The following NR3C1 variants were observed in gnomAD, a reference collection of about 807,000 sequenced individuals.
NR3C1 encodes nuclear receptor subfamily 3 group C member 1.
Under a neutral mutation model 74.0 loss-of-function variants are expected in NR3C1, and 14 were observed. The ratio of observed to expected loss-of-function variants is 0.19; its 90% confidence interval spans 0.12 to 0.30. The LOEUF is 0.30. Ranked by LOEUF, NR3C1 falls within the 10% of genes least tolerant of loss-of-function variation. NR3C1 has a pLI of 1.00. For synonymous variants in NR3C1, 308 were observed against 332.5 expected (o/e 0.93, Z 0.80); for missense variants, 695 against 909.8 (o/e 0.76, Z 3.04).
intron 2 of NR3C1, among the ~76,000 whole-genome samples, chr5:143,373,551 TGTATACCTAC>T (rs1834597103): frequency 1.3e-5 from 2 of 152,190 alleles, no homozygotes; most frequent in Admixed American, 1.3e-4. Context: ...ACATGGCGCA[TGTATACCTAC>T]GTAACAAACC....
At chr5:143,338,188 T>C (rs1014178474) in intron 2 of NR3C1, among the ~76,000 whole-genome samples, 1 of 152,204 alleles carries the variant, frequency 6.6e-6, no homozygotes, top group African/African-American at 2.4e-5. Flanking sequence ...GATGCTGGTA[T>C]AAACAAACCT....
At chr5:143,307,516 C>T (rs1345502745) in intron 4 of NR3C1, among the ~76,000 whole-genome samples, 1 of 152,058 alleles carries the variant, frequency 6.6e-6, no homozygotes, top group Admixed American at 6.5e-5. Context: ...CTTAAAACTC[C>T]AAAGATCTTA....
At chr5:143,293,741 T>TA (rs1816475374) in intron 7 of NR3C1, 1 of 398,558 alleles carries the variant, frequency 2.5e-6, no homozygotes, top group East Asian at 1.6e-4. Flanking sequence ...GTCTATATCT[T>TA]AAGGTATATA....
intron 2 of NR3C1, among the ~76,000 whole-genome samples, chr5:143,387,239 CTTA>C (rs942940411): frequency 9.9e-5 from 15 of 152,206 alleles, no homozygotes; most frequent in African/African-American, 3.6e-4. Flanking sequence ...AAGTATGTTT[CTTA>C]TTATCTGCTT....
At chr5:143,407,371 C>G (rs1159716078), upstream of NR3C1, 1 of 152,210 alleles carries the variant, frequency 6.6e-6, no homozygotes, top group Admixed American at 6.5e-5. Context: ...GTTTAAACAT[C>G]TGAGTGCTCC....
intron 2 of NR3C1, among the ~76,000 whole-genome samples, chr5:143,361,034 GA>G (rs1832137549): frequency 6.6e-6 from 1 of 152,164 alleles, no homozygotes; most frequent in Non-Finnish European, 1.5e-5. Context: ...TCTACTGCAG[GA>G]CAATTCTGAA....
At chr5:143,374,057 C>A (rs1443075870) in intron 2 of NR3C1, among the ~76,000 whole-genome samples, 1 of 152,204 alleles carries the variant, frequency 6.6e-6, no homozygotes, top group Non-Finnish European at 1.5e-5. Flanking sequence ...TATTATGCTA[C>A]TACCTTCATT....
At chr5:143,371,004 G>T (rs2151853547) in intron 2 of NR3C1, among the ~76,000 whole-genome samples, 1 of 152,246 alleles carries the variant, frequency 6.6e-6, no homozygotes, top group South Asian at 2.1e-4. Flanking sequence ...ATCTGTGTAA[G>T]GTATGGAGGA....
chr5:143,363,313 G>T (rs910171750), intron 2 of NR3C1, among the ~76,000 whole-genome samples: 1 of 152,256 alleles, frequency 6.6e-6, no homozygotes, highest in Non-Finnish European at 1.5e-5. Flanking sequence ...CTGGGGAGGG[G>T]AGACAGTCTG....
intron 2 of NR3C1, among the ~76,000 whole-genome samples, chr5:143,329,052 G>A (rs1825293580): frequency 6.6e-6 from 1 of 152,072 alleles, no homozygotes; most frequent in South Asian, 2.1e-4. Flanking sequence ...CCAATTCTCT[G>A]TATTAGTCAG....
chr5:143,297,689 CCT>C (rs2151544021), intron 6 of NR3C1, among the ~76,000 whole-genome samples: 1 of 152,098 alleles, frequency 6.6e-6, no homozygotes, highest in East Asian at 1.9e-4. Context: ...GTGTGAACTC[CCT>C]GTTTACATTG....
intron 2 of NR3C1, among the ~76,000 whole-genome samples, chr5:143,377,032 C>G (rs1416875106): frequency 2.0e-5 from 3 of 152,168 alleles, no homozygotes; most frequent in African/African-American, 4.8e-5. Flanking sequence ...GCTCTTTTGT[C>G]TCAAAGTATC....
intron 1 of NR3C1, 56 bp from the exon 2 acceptor site, chr5:143,400,908 T>G: frequency 7.6e-7 from 1 of 1,323,442 alleles, no homozygotes; most frequent in South Asian, 1.2e-5. Flanking sequence ...AAAGTCACAT[T>G]ATCTTCCTGA....
chr5:143,293,178 C>A (rs530303633), intron 7 of NR3C1, among the ~76,000 whole-genome samples: 23 of 152,222 alleles, frequency 1.5e-4, no homozygotes, highest in African/African-American at 5.5e-4. Flanking sequence ...TATATATATA[C>A]CATGGAATAC....
intron 6 of NR3C1, among the ~76,000 whole-genome samples, 186 bp downstream of exon 6, chr5:143,298,482 C>T (rs975571298): frequency 2.6e-5 from 4 of 152,168 alleles, no homozygotes; most frequent in Non-Finnish European, 5.9e-5. Context: ...GCCACATGTA[C>T]ATTTGCTTTA....
intron 2 of NR3C1, among the ~76,000 whole-genome samples, chr5:143,366,727 T>C (rs1032527562): frequency 5.3e-5 from 8 of 152,058 alleles, no homozygotes; most frequent in Non-Finnish European, 1.2e-4. Context: ...AATGAACAAA[T>C]TCCTCAACCA....
At chr5:143,330,499 A>G (rs1399378825) in intron 2 of NR3C1, among the ~76,000 whole-genome samples, 4 of 152,202 alleles carry the variant, frequency 2.6e-5, no homozygotes, top group Admixed American at 2.6e-4. Flanking sequence ...GTATCTTCAT[A>G]AAAGTATTGC....
chr5:143,324,567 A>G (rs1824141684), intron 2 of NR3C1, among the ~76,000 whole-genome samples: 2 of 152,170 alleles, frequency 1.3e-5, no homozygotes, highest in Non-Finnish European at 2.9e-5. Context: ...GGTCTCTGAC[A>G]TGGCCATGGA....
chr5:143,404,776 C>G (rs1840981376), upstream of NR3C1: 1 of 157,476 alleles, frequency 6.4e-6, no homozygotes, highest in Admixed American at 6.5e-5. Context: ...AGCCCCCCTT[C>G]CGAAACTCCT....
Sources: gnomAD v4.1 joint callset for allele counts (sites outside exome capture counted in the v4.1 genomes callset) on GRCh38, gnomAD v4.1.1 for gene constraint, MANE v1.5 for transcripts, NCBI Gene and HGNC (gene_info 2026-07-23, HGNC 2026-07-21) for gene names.